BORCS5: variants seen among roughly 807,000 people sequenced by gnomAD.
BORCS5 encodes the protein BLOC-1 related complex subunit 5.
Under a neutral mutation model 22.1 loss-of-function variants are expected in BORCS5, and 17 were observed. That is an observed-to-expected ratio of 0.77 (90% CI 0.53 to 1.15). The LOEUF is 1.15. Among genes scored for constraint, BORCS5 ranks in the 50% most tolerant of loss-of-function variants. The probability of loss-of-function intolerance (pLI) is 0.00; values close to 1 mark genes in which losing one functional copy is unlikely to be tolerated. For synonymous variants in BORCS5, 117 were observed against 99.8 expected (o/e 1.17, Z -1.03); for missense variants, 247 against 253.2 (o/e 0.98, Z 0.17).
chr12:12,383,004 G>A (rs557341358), intron 2 of BORCS5, among the ~76,000 whole-genome samples: 1 of 151,272 alleles, frequency 6.6e-6, no homozygotes, highest in East Asian at 1.9e-4. Flanking sequence ...TTATTGATCT[G>A]GTTAGATTTG....
At chr12:12,431,187 C>CA (rs1401426460) in intron 2 of BORCS5, among the ~76,000 whole-genome samples, 1 of 152,158 alleles carries the variant, frequency 6.6e-6, no homozygotes, top group African/African-American at 2.4e-5. Context: ...CACTAAGCAG[C>CA]AAAACCTCTT....
intron 3 of BORCS5, 105 bp from the exon 4 acceptor site, chr12:12,465,441 T>G: frequency 1.0e-6 from 1 of 986,522 alleles, no homozygotes; most frequent in East Asian, 2.6e-5. Context: ...ACTTGTCAGC[T>G]TCCACTGGAT....
Position 12,410,303 on chromosome 12 carries a change from T to C in BORCS5, c.203-25325T>C, listed in dbSNP as rs1245567794. The stretch of plus-strand genomic sequence containing the variant: ...GTTTTTGACATGAAGTCCTTGCCCA[T>C]GCCTATGTCCTGAATGGTATTGCCT... On this transcript the variant is annotated intron_variant, in intron 2 of 3. Transcript: ENST00000314565. 2.0e-5 allele frequency among the ~76,000 whole-genome samples: 3 copies of C among 152,376 alleles called. No homozygotes were observed. In the East Asian group the frequency reaches 5.8e-4, roughly 29 times the overall value.
intron 2 of BORCS5, among the ~76,000 whole-genome samples, chr12:12,409,994 T>G (rs1404607694): frequency 6.6e-6 from 1 of 152,252 alleles, no homozygotes; most frequent in Non-Finnish European, 1.5e-5. Flanking sequence ...TGATGAGCAT[T>G]TTTTCATGTG....
At chr12:12,389,051 C>T (rs1230102407) in intron 2 of BORCS5, among the ~76,000 whole-genome samples, 2 of 150,100 alleles carry the variant, frequency 1.3e-5, no homozygotes, top group Non-Finnish European at 3.0e-5. Flanking sequence ...GTTGTTGAGG[C>T]AAATACTATG....
intron 1 of BORCS5, among the ~76,000 whole-genome samples, 196 bp from the exon 2 acceptor site, chr12:12,361,010 C>A (rs538051065): frequency 7.0e-4 from 106 of 152,268 alleles, no homozygotes; most frequent in African/African-American, 2.4e-3. Context: ...CATGAGCCAC[C>A]GTGCCTGGCT....
intron 3 of BORCS5, among the ~76,000 whole-genome samples, chr12:12,465,282 G>T (rs1943179628): frequency 6.6e-6 from 1 of 152,178 alleles, no homozygotes; most frequent in African/African-American, 2.4e-5. Flanking sequence ...GAAATCTCAG[G>T]ATCTCAACAA....
intron 2 of BORCS5, among the ~76,000 whole-genome samples, chr12:12,433,199 G>C (rs1161563221): frequency 6.6e-6 from 1 of 151,866 alleles, no homozygotes; most frequent in East Asian, 1.9e-4. Flanking sequence ...GGCAGGAATG[G>C]TGGCACATGC....
intron 3 of BORCS5, among the ~76,000 whole-genome samples, chr12:12,441,246 GAGGGCTCAGCTGAGGC>G (rs1172229924): frequency 6.6e-6 from 1 of 152,206 alleles, no homozygotes; most frequent in East Asian, 1.9e-4. Context: ...ATTAGGCATT[GAGGGCTCAGCTGAGGC>G]AGGGCAACTT....
intron 3 of BORCS5, among the ~76,000 whole-genome samples, chr12:12,439,452 A>AC (rs1348404105): frequency 4.6e-5 from 7 of 151,588 alleles, no homozygotes; most frequent in African/African-American, 1.7e-4. Context: ...ACATGGTGAA[A>AC]CCCCATCTCT....
At chr12:12,456,416 G>GC (rs1476874404) in intron 3 of BORCS5, among the ~76,000 whole-genome samples, 10 of 152,208 alleles carry the variant, frequency 6.6e-5, no homozygotes, top group African/African-American at 2.4e-4. Flanking sequence ...GGGCAACAGA[G>GC]CGAGACCCTG....
intron 2 of BORCS5, among the ~76,000 whole-genome samples, chr12:12,428,341 G>A (rs1277654703): frequency 6.6e-6 from 1 of 152,198 alleles, no homozygotes; most frequent in African/African-American, 2.4e-5. Context: ...TTTACACAAA[G>A]AGGTAGGTAC....
chr12:12,386,419 T>A (rs1863881432), intron 2 of BORCS5, among the ~76,000 whole-genome samples: 1 of 150,722 alleles, frequency 6.6e-6, no homozygotes, highest in South Asian at 2.1e-4. Flanking sequence ...TTTAGTGTAA[T>A]TTCAGTGTGG....
At chr12:12,440,813 T>C (rs554592134) in intron 3 of BORCS5, among the ~76,000 whole-genome samples, 6 of 152,352 alleles carry the variant, frequency 3.9e-5, no homozygotes, top group Non-Finnish European at 8.8e-5. Flanking sequence ...AGAGACCCTC[T>C]GGTCCAGTGC....
chr12:12,430,151 A>ATTTTTTTTTTTT (rs71061068), intron 2 of BORCS5, among the ~76,000 whole-genome samples: 6,539 of 107,086 alleles, frequency 0.061, 875 homozygotes, highest in African/African-American at 0.081. Context: ...CTTAGAGAAA[A>ATTTTTTTTTTTT]TTTTTTTTTT....
chr12:12,441,564 T>C (rs986633753), intron 3 of BORCS5, among the ~76,000 whole-genome samples: 11 of 152,142 alleles, frequency 7.2e-5, no homozygotes, highest in African/African-American at 2.7e-4. Flanking sequence ...GCTTTAAATA[T>C]AAATGATGAC....
chr12:12,449,568 G>A (rs1471739086), intron 3 of BORCS5, among the ~76,000 whole-genome samples: 2 of 152,164 alleles, frequency 1.3e-5, no homozygotes, highest in Non-Finnish European at 2.9e-5. Flanking sequence ...TGGGCAAGTC[G>A]TAAAGTAATT....
chr12:12,435,534 T>TCTTACC (rs1942536111), intron 2 of BORCS5, 94 bp from the exon 3 acceptor site: 5 of 975,354 alleles, frequency 5.1e-6, no homozygotes, highest in Non-Finnish European at 7.6e-6. Flanking sequence ...TAAATTGAAG[T>TCTTACC]CTTACCCTGT....
Position 12,357,103 on chromosome 12 carries a change from T to G in BORCS5, c.-349T>G, listed in dbSNP as rs1388105228. 2.0e-6 allele frequency: 3 copies of G among 1,534,504 alleles called. No homozygotes were observed. On this transcript the variant is annotated 5_prime_UTR_variant, in exon 1 of 4. Transcript: ENST00000314565. Reference sequence around the variant, plus strand: ...ATCTGCGTCCCGGAAGGAGCGAGCTTGCGGAGCGTGAACCAGTGAGTGAAA... The same window carrying G: ...ATCTGCGTCCCGGAAGGAGCGAGCTGGCGGAGCGTGAACCAGTGAGTGAAA...
Sources: gnomAD v4.1 joint callset for allele counts (sites outside exome capture counted in the v4.1 genomes callset) on GRCh38, gnomAD v4.1.1 for gene constraint, MANE v1.5 for transcripts, NCBI Gene and HGNC (gene_info 2026-07-23, HGNC 2026-07-21) for gene names.